Variants in OSBPL10 observed in about 807,000 individuals in gnomAD.
OSBPL10 encodes oxysterol-binding protein-related protein 10.
In OSBPL10, 49 loss-of-function variants were observed where a neutral mutation model predicts 81.7. The observed-to-expected ratio is 0.60, with a 90% CI of 0.48 to 0.76. The LOEUF (loss-of-function observed/expected upper bound fraction) is 0.76. Ranked by LOEUF, OSBPL10 falls within the 30% of genes least tolerant of loss-of-function variation. OSBPL10 has a pLI of 0.00. For synonymous variants in OSBPL10, 419 were observed against 383.6 expected (o/e 1.09, Z -1.08); for missense variants, 923 against 987.8 (o/e 0.93, Z 0.88).
intron 4 of OSBPL10, among the ~76,000 whole-genome samples, chr3:31,802,497 T>G (rs1456600061): frequency 5.4e-5 from 7 of 128,978 alleles, no homozygotes; most frequent in African/African-American, 1.8e-4. Flanking sequence ...ACCCAGGAGG[T>G]GGAGGTTGCA....
intron 1 of OSBPL10, among the ~76,000 whole-genome samples, chr3:31,943,362 G>T (rs1423444243): frequency 6.6e-6 from 1 of 151,536 alleles, no homozygotes; most frequent in Non-Finnish European, 1.5e-5. Flanking sequence ...AATTATTTTG[G>T]GTATATACCT....
At chr3:31,955,752 G>A (rs1002901651) in intron 1 of OSBPL10, among the ~76,000 whole-genome samples, 1 of 152,192 alleles carries the variant, frequency 6.6e-6, no homozygotes, top group South Asian at 2.1e-4. Context: ...CCAGCTTCTA[G>A]TCTACAGAAG....
At chr3:32,021,745 G>C (rs1699365387) in intron 2 of OSBPL10, among the ~76,000 whole-genome samples, 2 of 151,982 alleles carry the variant, frequency 1.3e-5, no homozygotes, top group African/African-American at 4.8e-5. Flanking sequence ...AGGCTGAGGT[G>C]GGCAGATAGC....
chr3:31,842,887 G>A (rs1361928284), intron 3 of OSBPL10, among the ~76,000 whole-genome samples: 1 of 152,182 alleles, frequency 6.6e-6, no homozygotes, highest in Non-Finnish European at 1.5e-5. Context: ...GCCAGGCTGA[G>A]AATACGTTCC....
intron 8 of OSBPL10, among the ~76,000 whole-genome samples, chr3:31,682,943 T>A (rs1332776965): frequency 6.6e-6 from 1 of 152,140 alleles, no homozygotes; most frequent in Non-Finnish European, 1.5e-5. Flanking sequence ...CAAAGACAAA[T>A]TTGGAGTTAG....
In OSBPL10 at chr3:31,668,596, G is replaced by A. The variant is rs1317886038; in HGVS notation, c.2096+46C>T. On this transcript the variant is annotated intron_variant, in intron 10 of 11. Coordinates refer to ENST00000396556, the MANE Select transcript of OSBPL10 (RefSeq NM_017784.5). ...TTCTTCTCTGTCCCTTGAGTCAGGT[G>A]CCCAGCATGACTAAGCTGGAGAGGA... is the stretch of plus-strand genomic sequence containing the variant. The A allele has an allele frequency of 2.7e-6, 4 of 1,499,216 alleles. No individual in the cohort carries two copies. In the East Asian group the frequency reaches 9.2e-5, roughly 34 times the overall value. The allele number at this position is 1,499,216 out of a possible 1,614,324, so 92.9% of individuals were successfully genotyped here.
At chr3:32,067,630 T>G (rs1175288275) in intron 1 of OSBPL10, among the ~76,000 whole-genome samples, 1 of 152,148 alleles carries the variant, frequency 6.6e-6, no homozygotes, top group African/African-American at 2.4e-5. Context: ...AACTGATCAA[T>G]GTACTTTGTA....
chr3:31,796,456 G>T (rs1699213588), intron 4 of OSBPL10, among the ~76,000 whole-genome samples: 2 of 152,144 alleles, frequency 1.3e-5, no homozygotes, highest in Non-Finnish European at 2.9e-5. Context: ...GCCATTTTAT[G>T]TAAGGGACTT....
intron 4 of OSBPL10, among the ~76,000 whole-genome samples, chr3:31,785,064 T>C (rs1698827741): frequency 6.6e-6 from 1 of 151,998 alleles, no homozygotes; most frequent in South Asian, 2.1e-4. Context: ...TTTGTATTTT[T>C]AGTAGAGATG....
intron 3 of OSBPL10, among the ~76,000 whole-genome samples, chr3:31,866,067 T>A (rs1701171691): frequency 6.6e-6 from 1 of 152,126 alleles, no homozygotes; most frequent in Admixed American, 6.5e-5. Flanking sequence ...TCCAAAGCCC[T>A]CTGGCTCACA....
chr3:31,999,990 CG>C (rs1386239080), intron 2 of OSBPL10, among the ~76,000 whole-genome samples: 1 of 152,066 alleles, frequency 6.6e-6, no homozygotes, highest in Non-Finnish European at 1.5e-5. Flanking sequence ...TCTAGTGGTG[CG>C]GCCTCAGCTA....
chr3:31,830,940 G>GT (rs1700225409), intron 3 of OSBPL10, among the ~76,000 whole-genome samples: 1 of 152,086 alleles, frequency 6.6e-6, no homozygotes, highest in East Asian at 1.9e-4. Flanking sequence ...TCAACTTAGT[G>GT]GAGATGAATT....
At chr3:31,854,112 C>T (rs1482268865) in intron 3 of OSBPL10, among the ~76,000 whole-genome samples, 1 of 151,338 alleles carries the variant, frequency 6.6e-6, no homozygotes, top group Non-Finnish European at 1.5e-5. Context: ...AACCTTCTTT[C>T]ATGATATATA....
chr3:31,766,329 G>GTT lies in OSBPL10; in HGVS notation c.730-18211_730-18210dup, dbSNP rs148986285. 3.4e-3 allele frequency among the ~76,000 whole-genome samples: 77 copies of GTT among 22,616 alleles called. 2 individuals are homozygous for GTT. Among genetic ancestry groups the GTT allele is most frequent in the African/African-American group, 5.7e-3 (74 of 12,968 alleles). The allele number at this position is 22,616 out of a possible 152,430, so 14.8% of individuals were successfully genotyped here. ...ATGTTTGGCCCAATGTAGTTTTTTT[G>GTT]TTTTTTTGTTTTTTTTTGTTTTTTT... On this transcript the variant is annotated intron_variant, in intron 4 of 11. Transcript: ENST00000396556.
chr3:31,785,596 T>C (rs1246043981), intron 4 of OSBPL10, among the ~76,000 whole-genome samples: 1 of 152,272 alleles, frequency 6.6e-6, no homozygotes, highest in Non-Finnish European at 1.5e-5. Flanking sequence ...ACCATTAACA[T>C]CGTGGGTGAC....
At chr3:31,965,348 T>C (rs1187887177) in intron 1 of OSBPL10, among the ~76,000 whole-genome samples, 3 of 132,268 alleles carry the variant, frequency 2.3e-5, no homozygotes, top group South Asian at 2.3e-4. Context: ...CCAGCCTGGG[T>C]GACAGAGCAA....
intron 4 of OSBPL10, among the ~76,000 whole-genome samples, chr3:31,755,546 G>A (rs117249263): frequency 3.2e-4 from 49 of 152,258 alleles, no homozygotes; most frequent in East Asian, 2.5e-3. Flanking sequence ...GAGGCTGACC[G>A]TCACTAAGTG....
intron 4 of OSBPL10, among the ~76,000 whole-genome samples, chr3:31,753,357 G>T (rs1697777381): frequency 6.6e-6 from 1 of 151,950 alleles, no homozygotes; most frequent in Non-Finnish European, 1.5e-5. Flanking sequence ...GGCTAATTTT[G>T]TATGTTTAGT....
intron 3 of OSBPL10, among the ~76,000 whole-genome samples, chr3:31,872,025 T>C (rs1258404741): frequency 1.3e-5 from 2 of 152,246 alleles, no homozygotes; most frequent in African/African-American, 4.8e-5. Flanking sequence ...ATTTTTATAA[T>C]GCACTAAAGG....
Sources: allele counts gnomAD v4.1 joint callset (sites outside exome capture counted in the v4.1 genomes callset), GRCh38; gene constraint gnomAD v4.1.1; transcripts MANE v1.5; gene names NCBI Gene and HGNC (gene_info 2026-07-23, HGNC 2026-07-21).